EPHA4: variants seen among roughly 807,000 people sequenced by gnomAD.
The protein encoded by EPHA4 is EPH receptor A4, also known as ephrin type-A receptor 4.
In EPHA4, 19 loss-of-function variants were observed where a neutral mutation model predicts 108.3. The observed-to-expected ratio is 0.18, with a 90% CI of 0.12 to 0.26. The LOEUF (loss-of-function observed/expected upper bound fraction) is 0.26. Ranked by LOEUF, EPHA4 falls within the 10% of genes least tolerant of loss-of-function variation. EPHA4 has a pLI of 1.00. For synonymous variants in EPHA4, 449 were observed against 455.5 expected, an observed-to-expected ratio of 0.99 and a Z score of 0.18; for missense variants, 917 against 1,254.0, an observed-to-expected ratio of 0.73 and a Z score of 4.06.
intron 3 of EPHA4, among the ~76,000 whole-genome samples, chr2:221,519,199 A>T (rs1461178964): frequency 6.6e-6 from 1 of 152,216 alleles, no homozygotes; most frequent in African/African-American, 2.4e-5. Context: ...GCAGTGCAAC[A>T]GCTAGGGTGG....
intron 3 of EPHA4, among the ~76,000 whole-genome samples, chr2:221,556,072 C>T (rs532249202): frequency 1.1e-3 from 163 of 152,280 alleles, no homozygotes; most frequent in South Asian, 4.3e-3. Flanking sequence ...AACTCTCAAA[C>T]ATTTTATACT....
intron 4 of EPHA4, among the ~76,000 whole-genome samples, chr2:221,488,446 C>A (rs1209938263): frequency 6.6e-6 from 1 of 152,158 alleles, no homozygotes; most frequent in East Asian, 1.9e-4. Flanking sequence ...TGGCTTATTT[C>A]TTGAGTTTCT....
chr2:221,549,630 GAACT>G (rs760008481), intron 3 of EPHA4, among the ~76,000 whole-genome samples: 12 of 152,174 alleles, frequency 7.9e-5, no homozygotes, highest in South Asian at 2.1e-4. Context: ...CCATGCCTAT[GAACT>G]AACTGAGTTT....
At chr2:221,476,797 T>A (rs1428667397) in intron 5 of EPHA4, among the ~76,000 whole-genome samples, 3 of 152,164 alleles carry the variant, frequency 2.0e-5, no homozygotes, top group African/African-American at 7.2e-5. Context: ...ATATGTCTAA[T>A]TAAAAGATGG....
Position 221,442,992 on chromosome 2 carries a change from A to G in EPHA4, c.1911T>C (p.Ser637=), listed in dbSNP as rs747724977. 5.9e-5 allele frequency: 96 copies of G among 1,613,900 alleles called. No individual in the cohort carries two copies. The highest frequency in any genetic ancestry group is 7.2e-5 in the Non-Finnish European group (85 of 1,180,000). The change falls in exon 11 of 18, where the codon AGT becomes AGC. Residue 637 remains serine, a synonymous_variant. Transcript: ENST00000281821. ...IGVGEFGEVC[S]GRLKVPGKRE... is the part of the protein sequence containing the mutation. ...TCTTGCCAGGCACTTTGAGACGCCCACTGCATACCTCACCAAATTCACCTT... is the reference window on the plus strand; with the variant it reads ...TCTTGCCAGGCACTTTGAGACGCCCGCTGCATACCTCACCAAATTCACCTT...
intron 3 of EPHA4, among the ~76,000 whole-genome samples, chr2:221,547,937 T>C (rs549239378): frequency 6.6e-6 from 1 of 152,348 alleles, no homozygotes; most frequent in Non-Finnish European, 1.5e-5. Flanking sequence ...TCATTCCAGA[T>C]ACTTTTGTGA....
chr2:221,477,454 A>T (rs987266954), intron 5 of EPHA4, among the ~76,000 whole-genome samples: 1 of 152,082 alleles, frequency 6.6e-6, no homozygotes, highest in African/African-American at 2.4e-5. Context: ...AGGATTGGGG[A>T]TGCTGTGTTG....
intron 3 of EPHA4, among the ~76,000 whole-genome samples, chr2:221,511,187 A>G (rs1208107756): frequency 6.6e-6 from 1 of 152,216 alleles, no homozygotes; most frequent in Admixed American, 6.5e-5. Flanking sequence ...AGAAACTTTT[A>G]CTTAGTTTGA....
At chr2:221,572,489 C>T (rs1442879993), upstream of EPHA4, 2 of 290,472 alleles carry the variant, frequency 6.9e-6, no homozygotes, top group Non-Finnish European at 1.2e-5. Context: ...CGCGGTCTCC[C>T]GGGGCTCTAG....
At chr2:221,513,557 T>G (rs1484954718) in intron 3 of EPHA4, among the ~76,000 whole-genome samples, 1 of 152,158 alleles carries the variant, frequency 6.6e-6, no homozygotes, top group East Asian at 1.9e-4. Context: ...TTTAAAAGAC[T>G]GAATTCCCCA....
rs1689916857 is a variant in EPHA4, at chr2:221,426,571, C to T, written c.2739G>A (p.Val913=). 6.2e-7 allele frequency: 1 copy of T among 1,613,838 alleles called. No homozygotes were observed. Among genetic ancestry groups the T allele is most frequent in the African/African-American group, 1.3e-5 (1 of 74,848 alleles). Residue 913 remains valine (V), a synonymous_variant, in exon 16 of 18, where the codon GTG becomes GTA. Coordinates refer to ENST00000281821, the MANE Select transcript of EPHA4 (RefSeq NM_004438.5). ...CCTGGAGCCAATCGCCCACTGATAC[C>T]ACAGCAGAGAATTCAGGGGAGCTTG... ...LDPSSPEFSA[V]VSVGDWLQAI... is the part of the protein sequence containing the mutation.
intron 3 of EPHA4, among the ~76,000 whole-genome samples, chr2:221,515,907 T>C (rs978478789): frequency 1.3e-5 from 2 of 151,954 alleles, no homozygotes; most frequent in African/African-American, 4.8e-5. Flanking sequence ...AATAGGATTT[T>C]TTCCCCCTAG....
At position 221,477,928 on chromosome 2, in the gene EPHA4, A is replaced by C. The variant is rs145720775; in HGVS notation, c.1318+4424T>G. Among the ~76,000 whole-genome samples, 473 of 152,292 alleles carry C rather than the reference A, an allele frequency of 3.1e-3. 15 individuals are homozygous for C. The highest frequency in any genetic ancestry group is 0.027 in the Admixed American group (406 of 15,286). ...AGCATGCTACAGATGTTTGTTTGTC[A>C]CTAGGACACCATAGCTGTGCTAGAG... On this transcript the variant is annotated intron_variant, in intron 5 of 17. Coordinates refer to ENST00000281821, the MANE Select transcript of EPHA4 (RefSeq NM_004438.5).
intron 3 of EPHA4, among the ~76,000 whole-genome samples, chr2:221,560,829 C>T (rs1001796244): frequency 5.9e-5 from 9 of 152,202 alleles, no homozygotes; most frequent in African/African-American, 1.4e-4. Flanking sequence ...CATCTTTCCT[C>T]GTCTCTATAT....
At chr2:221,461,012 A>G (rs1691120215) in intron 5 of EPHA4, among the ~76,000 whole-genome samples, 1 of 152,204 alleles carries the variant, frequency 6.6e-6, no homozygotes, top group Non-Finnish European at 1.5e-5. Flanking sequence ...AATTAAATGA[A>G]CATTGCATGT....
intron 3 of EPHA4, among the ~76,000 whole-genome samples, chr2:221,505,317 AATTT>A (rs1186539493): frequency 6.7e-6 from 1 of 148,968 alleles, no homozygotes; most frequent in Non-Finnish European, 1.5e-5. Context: ...TCACCTTTAA[AATTT>A]ATTTATTTAT....
rs761618086 is a variant in EPHA4 at position 221,420,019 on chromosome 2, G to T, written c.*1353C>A. 6.6e-6 allele frequency: 1 copy of T among 152,566 alleles called. No homozygotes were observed. Among genetic ancestry groups the T allele is most frequent in the African/African-American group, 2.4e-5 (1 of 41,406 alleles). The allele number at this position is 152,566 out of a possible 1,614,324, so 9.5% of individuals were successfully genotyped here. On this transcript the variant is annotated 3_prime_UTR_variant, in exon 18 of 18. Coordinates refer to ENST00000281821, the MANE Select transcript of EPHA4 (RefSeq NM_004438.5). ...AAAAGAGATAGTCAGCTCATATTTA[G>T]TCTAAGAAAAAAATATATTTATATC...
At chr2:221,487,479 A>G (rs1692012938) in intron 4 of EPHA4, among the ~76,000 whole-genome samples, 1 of 152,236 alleles carries the variant, frequency 6.6e-6, no homozygotes, top group African/African-American at 2.4e-5. Flanking sequence ...ATTTACTCAG[A>G]CATGAAAGCT....
chr2:221,421,024 C>T lies in EPHA4; in HGVS notation c.*820-472G>A, dbSNP rs143407245. Among the ~76,000 whole-genome samples, 781 of 152,276 alleles carry T rather than the reference C, an allele frequency of 5.1e-3. 5 individuals are homozygous for T. Among genetic ancestry groups the T allele is most frequent in the African/African-American group, 0.018 (742 of 41,560 alleles). On this transcript the variant is annotated intron_variant, in intron 17 of 17. Transcript: ENST00000281821. ...TGAAAAATGCAAACTAAGGGCCGGG[C>T]GCGGTGGCTCACGCCTGTAATCCCA...
Sources: allele counts gnomAD v4.1 joint callset (sites outside exome capture counted in the v4.1 genomes callset), GRCh38; gene constraint gnomAD v4.1.1; transcripts MANE v1.5; gene names NCBI Gene and HGNC (gene_info 2026-07-23, HGNC 2026-07-21).